The following LRRC4C variants were observed in gnomAD, a reference collection of about 807,000 sequenced individuals.
The protein encoded by LRRC4C is leucine-rich repeat-containing protein 4C.
LRRC4C carries 5 observed loss-of-function variants against 33.6 expected under a neutral mutation model. The observed-to-expected ratio is 0.15, with a 90% CI of 0.08 to 0.31. The LOEUF (loss-of-function observed/expected upper bound fraction) is 0.31, where lower values mean the gene tolerates loss of function less well. LRRC4C is among the 10% of genes least tolerant of loss of function. The pLI is 1.00. For synonymous variants in LRRC4C, 329 were observed against 302.0 expected (o/e 1.09, Z -0.93); for missense variants, 560 against 796.7 (o/e 0.70, Z 3.58).
At chr11:40,721,653 A>G (rs1947020397) in intron 2 of LRRC4C, among the ~76,000 whole-genome samples, 1 of 152,232 alleles carries the variant, frequency 6.6e-6, no homozygotes, top group South Asian at 2.1e-4. Context: ...ATAAGAAAAC[A>G]AAGTAAGAAT....
intron 1 of LRRC4C, among the ~76,000 whole-genome samples, chr11:41,307,340 G>A (rs186060275): frequency 3.9e-5 from 6 of 151,952 alleles, no homozygotes; most frequent in Non-Finnish European, 5.9e-5. Context: ...ACCATGGCAC[G>A]TCAGGAGCCC....
intron 1 of LRRC4C, among the ~76,000 whole-genome samples, chr11:41,291,636 A>G (rs1291691139): frequency 6.6e-6 from 1 of 152,150 alleles, no homozygotes; most frequent in East Asian, 1.9e-4. Flanking sequence ...TTTTTCATAT[A>G]AAGTTACAGG....
At chr11:40,685,287 CT>C (rs35018801) in intron 2 of LRRC4C, among the ~76,000 whole-genome samples, 2 of 151,926 alleles carry the variant, frequency 1.3e-5, no homozygotes, top group Admixed American at 1.3e-4. Flanking sequence ...CTCCATAAAA[CT>C]TTTTCACTGT....
chr11:41,067,328 A>T (rs1222297644), intron 1 of LRRC4C, among the ~76,000 whole-genome samples: 3 of 152,230 alleles, frequency 2.0e-5, no homozygotes, highest in Non-Finnish European at 4.4e-5. Flanking sequence ...GAAGGGTATA[A>T]TGTAATGGTA....
At position 41,324,920 on chromosome 11, in the gene LRRC4C, G is replaced by T. The variant is rs149860519; in HGVS notation, c.-496+134511C>A. On this transcript the variant is annotated intron_variant, in intron 1 of 6. Transcript: ENST00000528697. The stretch of plus-strand genomic sequence containing the variant: ...TATCATATATTTAAAATAGAGTTTT[G>T]ATTTCTCAATTTAAAAGCACATGCA... Among the ~76,000 whole-genome samples the T allele has an allele frequency of 4.2e-3, 644 of 152,156 alleles. 3 individuals carry two copies. The highest frequency in any genetic ancestry group is 0.014 in the African/African-American group (567 of 41,506).
At chr11:40,602,770 G>C (rs1960153990) in intron 3 of LRRC4C, among the ~76,000 whole-genome samples, 1 of 152,144 alleles carries the variant, frequency 6.6e-6, no homozygotes, top group Non-Finnish European at 1.5e-5. Flanking sequence ...ATCCGAAACA[G>C]CAGGTACAGT....
chr11:40,401,156 G>T (rs1360644490), intron 3 of LRRC4C, among the ~76,000 whole-genome samples: 1 of 140,938 alleles, frequency 7.1e-6, no homozygotes, highest in Admixed American at 7.3e-5. Flanking sequence ...AGCAGGAATA[G>T]GCTTAATTAT....
At chr11:40,433,099 CACTT>C (rs1951000369) in intron 3 of LRRC4C, among the ~76,000 whole-genome samples, 1 of 152,138 alleles carries the variant, frequency 6.6e-6, no homozygotes, top group African/African-American at 2.4e-5. Context: ...ACAGCAGACA[CACTT>C]ACACATAGGA....
At chr11:41,043,674 C>T (rs1857584792) in intron 1 of LRRC4C, among the ~76,000 whole-genome samples, 1 of 151,876 alleles carries the variant, frequency 6.6e-6, no homozygotes, top group Non-Finnish European at 1.5e-5. Flanking sequence ...CCCAAGCTCA[C>T]GTACTTAGTA....
rs55907303 is a variant in LRRC4C, at chr11:41,307,171, A to T, written c.-496+152260T>A. On this transcript the variant is annotated intron_variant, in intron 1 of 6. Transcript: ENST00000528697. ...TTCTGCTGAAGGGGAAAAAGTCAAA[A>T]TGAAAACTTAAATAACAACTCAATT... 3.3e-3 allele frequency among the ~76,000 whole-genome samples: 504 copies of T among 152,294 alleles called. 1 individual carries two copies. The highest frequency in any genetic ancestry group is 0.011 in the African/African-American group (467 of 41,556).
chr11:40,953,728 G>A (rs1022331921), intron 1 of LRRC4C, among the ~76,000 whole-genome samples: 3 of 151,792 alleles, frequency 2.0e-5, no homozygotes, highest in East Asian at 1.9e-4. Context: ...GAAGGGTAGC[G>A]AAGGTTCAGG....
At chr11:41,308,595 A>C (rs1483690301) in intron 1 of LRRC4C, among the ~76,000 whole-genome samples, 1 of 152,178 alleles carries the variant, frequency 6.6e-6, no homozygotes, top group Non-Finnish European at 1.5e-5. Flanking sequence ...TTAAAACCAC[A>C]GGTATTCAAA....
Position 40,846,230 on chromosome 11 carries a change from G to A in LRRC4C, c.-407+87405C>T, listed in dbSNP as rs182606521. Among the ~76,000 whole-genome samples, 16 of 152,212 alleles carry A rather than the reference G, an allele frequency of 1.1e-4. No individual in the cohort carries two copies. The East Asian group carries it at 2.7e-3, about 26-fold the overall frequency. Reference sequence around the variant, plus strand: ...GGCTTTTGTTGCCATTGCTTTTGGTGTTTTAGTCATGAAGTCTTTGTCCAT... The same window carrying A: ...GGCTTTTGTTGCCATTGCTTTTGGTATTTTAGTCATGAAGTCTTTGTCCAT... On this transcript the variant is annotated intron_variant, in intron 2 of 6. Transcript: ENST00000528697.
intron 1 of LRRC4C, among the ~76,000 whole-genome samples, chr11:41,022,670 AC>A (rs1856066615): frequency 1.3e-5 from 2 of 152,006 alleles, no homozygotes; most frequent in South Asian, 4.1e-4. Context: ...CAATGGTCAT[AC>A]TGGTCTAGCT....
At chr11:40,839,438 G>A (rs1254435401) in intron 2 of LRRC4C, among the ~76,000 whole-genome samples, 1 of 152,080 alleles carries the variant, frequency 6.6e-6, no homozygotes, top group African/African-American at 2.4e-5. Context: ...TAGAGATGGG[G>A]TTTCACCATG....
intron 5 of LRRC4C, among the ~76,000 whole-genome samples, chr11:40,203,621 T>A (rs1427662899): frequency 6.6e-6 from 1 of 152,182 alleles, no homozygotes; most frequent in African/African-American, 2.4e-5. Context: ...AACATGAACT[T>A]TTAAATCCCT....
rs112562962 is a variant in LRRC4C at position 40,238,039 on chromosome 11, G to A, written c.-96+3480C>T. Among the ~76,000 whole-genome samples, 8 of 152,232 alleles carry A rather than the reference G, an allele frequency of 5.3e-5. 2 individuals carry two copies. The highest frequency in any genetic ancestry group is 1.9e-4 in the African/African-American group (8 of 41,544). On this transcript the variant is annotated intron_variant, in intron 5 of 6. Coordinates refer to ENST00000528697, the MANE Select transcript of LRRC4C (RefSeq NM_001258419.2). The stretch of plus-strand genomic sequence containing the variant: ...TATTGACAACAAACTCAGCACAAAT[G>A]GTACACTGCTTTGTTCAGTGGAACT...
intron 1 of LRRC4C, among the ~76,000 whole-genome samples, chr11:41,270,483 T>C (rs1013055544): frequency 5.9e-5 from 9 of 152,118 alleles, no homozygotes; most frequent in African/African-American, 2.2e-4. Flanking sequence ...GGGATTCCTT[T>C]TGGGAATAGG....
At chr11:41,224,652 G>C (rs561457823) in intron 1 of LRRC4C, among the ~76,000 whole-genome samples, 2 of 152,162 alleles carry the variant, frequency 1.3e-5, no homozygotes, top group South Asian at 2.1e-4. Flanking sequence ...TATCCCAGTT[G>C]GTTTTGGAAA....
Sources: allele counts gnomAD v4.1 joint callset (sites outside exome capture counted in the v4.1 genomes callset), GRCh38; gene constraint gnomAD v4.1.1; transcripts MANE v1.5; gene names NCBI Gene and HGNC (gene_info 2026-07-23, HGNC 2026-07-21).